Variants in LYST observed in about 807,000 individuals in gnomAD.
The protein encoded by LYST is lysosomal-trafficking regulator.
In LYST, 192 loss-of-function variants were observed where a neutral mutation model predicts 413.6. The ratio of observed to expected loss-of-function variants is 0.46; its 90% CI spans 0.41 to 0.52. LYST has a LOEUF of 0.52. Among genes scored for constraint, LYST ranks in the 20% least tolerant of loss-of-function variants. The pLI, the probability that LYST is intolerant of heterozygous loss-of-function variation, is 0.00. For synonymous variants in LYST, 1,525 were observed against 1,567.3 expected, an observed-to-expected ratio of 0.97 and a Z score of 0.64; for missense variants, 3,815 against 4,499.9, an observed-to-expected ratio of 0.85 and a Z score of 4.35.
chr1:235,746,576 T>C (rs372035051), intron 28 of LYST, 49 bp from the exon 29 acceptor site: 12 of 1,411,116 alleles, frequency 8.5e-6, no homozygotes, highest in Non-Finnish European at 1.2e-5. Flanking sequence ...TTAATAAGGA[T>C]CAAGGAAACT....
intron 3 of LYST, among the ~76,000 whole-genome samples, chr1:235,821,309 T>C (rs1674724025): frequency 6.6e-6 from 1 of 152,190 alleles, no homozygotes; most frequent in South Asian, 2.1e-4. Flanking sequence ...TAGTGATACA[T>C]GCCTGTAATC....
At position 235,810,461 on chromosome 1, in the gene LYST, C is replaced by T; in HGVS notation, c.357G>A (p.Gln119=). 1.2e-6 allele frequency: 2 copies of T among 1,609,696 alleles called. No homozygotes were observed. The highest frequency in any genetic ancestry group is 1.7e-6 in the Non-Finnish European group (2 of 1,178,924). ...CACTTCCTTCTAAATGTAATTTTTC[C>T]TGAGTGGATCTTTGTGAACTTGAGT... ...EKNSSSQRST[Q]EKLHLEGSAL... Residue 119 remains glutamine (Q), a synonymous_variant, in exon 5 of 53, where the codon CAG becomes CAA. Coordinates refer to ENST00000389793, the MANE Select transcript of LYST (RefSeq NM_000081.4).
intron 12 of LYST, among the ~76,000 whole-genome samples, chr1:235,790,527 A>G (rs574161700): frequency 1.4e-4 from 21 of 152,346 alleles, no homozygotes; most frequent in Admixed American, 3.3e-4. Context: ...TCAATCCACA[A>G]CAGAAAATTC....
chr1:235,875,363 A>T (rs529618832), intron 1 of LYST, among the ~76,000 whole-genome samples: 49 of 152,296 alleles, frequency 3.2e-4, no homozygotes, highest in African/African-American at 1.1e-3. Context: ...CTTATTGAAA[A>T]ACCTCAAAGC....
intron 44 of LYST, among the ~76,000 whole-genome samples, chr1:235,705,064 T>G (rs1479582971): frequency 2.0e-5 from 3 of 152,198 alleles, no homozygotes; most frequent in African/African-American, 7.2e-5. Flanking sequence ...CTACATGAAT[T>G]TCCTTCCTCA....
chr1:235,698,638 G>A (rs901908578), intron 45 of LYST, among the ~76,000 whole-genome samples: 3 of 152,106 alleles, frequency 2.0e-5, no homozygotes, highest in Non-Finnish European at 4.4e-5. Flanking sequence ...TTGGGAGGCC[G>A]AGGCGGGCGG....
chr1:235,756,039 ATATC>A (rs1558195546), intron 24 of LYST, among the ~76,000 whole-genome samples: 3 of 145,474 alleles, frequency 2.1e-5, no homozygotes, highest in African/African-American at 7.6e-5. Context: ...ATCTATATCT[ATATC>A]TATATCTATA....
Position 235,801,050 on chromosome 1 carries a change from G to T in LYST, c.3760C>A (p.Pro1254Thr). 6.2e-7 allele frequency: 1 copy of T among 1,613,342 alleles called. No homozygotes were observed. Among genetic ancestry groups the T allele is most frequent in the East Asian group, 2.2e-5 (1 of 44,786 alleles). ...ETEGFSASSSPNDLLENLTQG... is the reference protein window; with the variant it reads ...ETEGFSASSSTNDLLENLTQG... ...GTGAGGTTTTCGAGTAAGTCATTTG[G>T]ACTGCTTGATGCACTGAAACCTTCT... The change falls in exon 9 of 53, where the codon CCA (proline) becomes ACA (threonine). Residue 1254 changes from proline (P) to threonine (T), a missense_variant. This residue lies in a region of LYST where 1,648 missense variants were observed against 1,810.3 expected (regional missense o/e 0.91). Transcript: ENST00000389793.
At chr1:235,752,672 AT>A (rs1331642473) in intron 26 of LYST, among the ~76,000 whole-genome samples, 1 of 152,046 alleles carries the variant, frequency 6.6e-6, no homozygotes, top group African/African-American at 2.4e-5. Context: ...CATTTATATT[AT>A]TTATAAATAT....
At chr1:235,695,499 G>T (rs1256533231) in intron 46 of LYST, among the ~76,000 whole-genome samples, 1 of 152,100 alleles carries the variant, frequency 6.6e-6, no homozygotes, top group Non-Finnish European at 1.5e-5. Context: ...GCACACTAAG[G>T]GTTCATGACT....
chr1:235,795,810 A>C (rs550424709), intron 10 of LYST, among the ~76,000 whole-genome samples: 1 of 152,308 alleles, frequency 6.6e-6, no homozygotes, highest in Non-Finnish European at 1.5e-5. Context: ...TAAATCAGTA[A>C]AAATAATATT....
At position 235,800,373 on chromosome 1, in the gene LYST, T is replaced by A. The variant is rs1489847856; in HGVS notation, c.3953A>T (p.Asn1318Ile). ...FLLMQQGTVK[N>I]LLGGFLSILT... Reference sequence around the variant, plus strand: ...AATACTCAAGAACCCTCCTAAAAGATTTTTCACAGTTCCCTGAAGATTAAA... The same window carrying A: ...AATACTCAAGAACCCTCCTAAAAGAATTTTCACAGTTCCCTGAAGATTAAA... The change falls in exon 10 of 53, where the codon AAT (asparagine) becomes ATT (isoleucine). Residue 1318 changes from asparagine to isoleucine, a missense_variant. By Grantham distance (149) the Asn-to-Ile change is moderately radical. Transcript: ENST00000389793. The A allele has an allele frequency of 6.3e-7, 1 of 1,577,024 alleles. No individual in the cohort carries two copies. Among genetic ancestry groups the A allele is most frequent in the South Asian group, 1.1e-5 (1 of 90,314 alleles).
intron 3 of LYST, among the ~76,000 whole-genome samples, chr1:235,826,717 G>C (rs561720668): frequency 6.6e-5 from 10 of 152,172 alleles, no homozygotes; most frequent in Non-Finnish European, 1.5e-4. Flanking sequence ...GTTTCACTCT[G>C]TCACCCAGGT....
At position 235,810,381 on chromosome 1, in the gene LYST, T is replaced by G; in HGVS notation, c.437A>C (p.Gln146Pro). 1 of 1,613,170 alleles carries G rather than the reference T, an allele frequency of 6.2e-7. No individual in the cohort carries two copies. The highest frequency in any genetic ancestry group is 8.5e-7 in the Non-Finnish European group (1 of 1,179,572). ...AGAATAGCGATGGGTAATTTTACGC[T>G]GTCGTCTGCTTTTTCGAAAAACATT... is the stretch of plus-strand genomic sequence containing the variant. ...KVNVFRKSRR[Q>P]RKITHRYSVR... Residue 146 changes from glutamine (Q) to proline (P), a missense_variant, in exon 5 of 53, where the codon CAG becomes CCG. Transcript: ENST00000389793.
intron 38 of LYST, 27 bp from the exon 39 acceptor site, chr1:235,724,207 T>C (rs1481496655): frequency 5.0e-6 from 8 of 1,585,832 alleles, no homozygotes; most frequent in African/African-American, 1.3e-5. Context: ...GGCAAAAATA[T>C]TTGTTTTACC....
At chr1:235,702,274 T>C (rs1483163070) in intron 45 of LYST, among the ~76,000 whole-genome samples, 1 of 152,230 alleles carries the variant, frequency 6.6e-6, no homozygotes, top group Non-Finnish European at 1.5e-5. Flanking sequence ...CATTACAACC[T>C]GAGGAGGCCA....
chr1:235,752,863 T>G (rs960413206), intron 26 of LYST, among the ~76,000 whole-genome samples, 181 bp downstream of exon 26: 2 of 151,974 alleles, frequency 1.3e-5, no homozygotes, highest in Non-Finnish European at 2.9e-5. Flanking sequence ...TAAATACAAT[T>G]TCTTGCTTTT....
At position 235,788,838 on chromosome 1, in the gene LYST, G is replaced by A. The variant is rs374215621; in HGVS notation, c.4551C>T (p.Asp1517=). Residue 1517 remains aspartate, a synonymous_variant, in exon 13 of 53, where the codon GAC becomes GAT. Transcript: ENST00000389793. ...PDSSFDGTES[D]RPEGAEYINP... The stretch of plus-strand genomic sequence containing the variant: ...TTATGTACTCTGCACCTTCTGGTCT[G>A]TCGCTCTCTATAAGAAAAAGATGTT... The A allele has an allele frequency of 6.2e-7, 1 of 1,613,442 alleles. No individual in the cohort carries two copies.
intron 35 of LYST, 31 bp from the exon 36 acceptor site, chr1:235,730,974 A>G: frequency 6.2e-7 from 1 of 1,605,824 alleles, no homozygotes; most frequent in Non-Finnish European, 8.5e-7. Context: ...TATTATCTTT[A>G]TCTAATGACC....
Sources: gnomAD v4.1 joint callset for allele counts (sites outside exome capture counted in the v4.1 genomes callset) on GRCh38, gnomAD v4.1.1 for gene constraint, gnomAD v4.1.1 regional missense constraint, MANE v1.5 for transcripts, NCBI Gene and HGNC (gene_info 2026-07-23, HGNC 2026-07-21) for gene names.